SNAP91: variants seen among roughly 807,000 people sequenced by gnomAD.
SNAP91 encodes the protein clathrin coat assembly protein AP180.
SNAP91 carries 27 observed loss-of-function variants against 100.3 expected under a neutral mutation model. That is an observed-to-expected ratio of 0.27 (90% confidence interval 0.20 to 0.37). SNAP91 has a LOEUF of 0.37. Among genes scored for constraint, SNAP91 ranks in the 10% least tolerant of loss-of-function variants. SNAP91 has a pLI of 1.00. For synonymous variants in SNAP91, 404 were observed against 398.6 expected, an observed-to-expected ratio of 1.01 and a Z score of -0.16; for missense variants, 986 against 1,123.7, an observed-to-expected ratio of 0.88 and a Z score of 1.75.
chr6:83,657,468 C>T (rs904997138), intron 6 of SNAP91, among the ~76,000 whole-genome samples: 26 of 152,058 alleles, frequency 1.7e-4, no homozygotes, highest in African/African-American at 5.8e-4. Context: ...GAAAAATAAA[C>T]GAATTAAAAA....
intron 2 of SNAP91, among the ~76,000 whole-genome samples, chr6:83,687,257 A>G (rs1401765370): frequency 1.3e-5 from 2 of 152,156 alleles, no homozygotes; most frequent in Non-Finnish European, 2.9e-5. Flanking sequence ...AGTTATTCTT[A>G]CCTAATACGG....
intron 24 of SNAP91, among the ~76,000 whole-genome samples, chr6:83,579,927 T>C (rs1180661239): frequency 3.3e-5 from 5 of 152,218 alleles, no homozygotes; most frequent in African/African-American, 1.2e-4. Context: ...ATAGAATTTA[T>C]TTATTTTAAA....
At chr6:83,612,389 T>C (rs778969365) in intron 11 of SNAP91, among the ~76,000 whole-genome samples, 1 of 152,050 alleles carries the variant, frequency 6.6e-6, no homozygotes, top group Non-Finnish European at 1.5e-5. Context: ...CCTTTACGTA[T>C]GGAAAAGGAA....
intron 16 of SNAP91, 71 bp from the exon 17 acceptor site, chr6:83,594,552 A>C (rs1047753610): frequency 2.9e-5 from 28 of 978,974 alleles, no homozygotes; most frequent in African/African-American, 5.0e-5. Flanking sequence ...AAAAGAACCA[A>C]GTTAAATTGT....
chr6:83,585,349 T>C (rs6910961), intron 22 of SNAP91, among the ~76,000 whole-genome samples: 1 of 151,860 alleles, frequency 6.6e-6, no homozygotes, highest in Non-Finnish European at 1.5e-5. Context: ...TTTTTATATA[T>C]CTATCTATAT....
intron 26 of SNAP91, among the ~76,000 whole-genome samples, chr6:83,565,067 G>A (rs1794691392): frequency 6.6e-6 from 1 of 150,472 alleles, no homozygotes; most frequent in Admixed American, 6.7e-5. Context: ...ATAATAAAAA[G>A]ACAACCCAAT....
At chr6:83,647,162 C>T (rs1273217565) in intron 7 of SNAP91, among the ~76,000 whole-genome samples, 1 of 151,774 alleles carries the variant, frequency 6.6e-6, no homozygotes, top group African/African-American at 2.4e-5. Context: ...TTGCTCCATC[C>T]CAAATCTGTA....
At chr6:83,627,763 G>A (rs1456006181) in intron 8 of SNAP91, among the ~76,000 whole-genome samples, 1 of 151,834 alleles carries the variant, frequency 6.6e-6, no homozygotes, top group Non-Finnish European at 1.5e-5. Context: ...CTAGCTAGTG[G>A]TCGATCAATC....
chr6:83,629,351 T>C (rs540877225), intron 8 of SNAP91, among the ~76,000 whole-genome samples: 1 of 152,290 alleles, frequency 6.6e-6, no homozygotes, highest in East Asian at 1.9e-4. Flanking sequence ...GTGGGCTCTT[T>C]TTTGGTTCCA....
chr6:83,695,205 A>G (rs2129013784), intron 2 of SNAP91, among the ~76,000 whole-genome samples: 1 of 140,248 alleles, frequency 7.1e-6, no homozygotes, highest in Non-Finnish European at 1.5e-5. Context: ...AGAACCCAGG[A>G]GGCAGAGGTT....
chr6:83,682,172 CTTTTTTT>C (rs59549595), intron 2 of SNAP91, among the ~76,000 whole-genome samples: 5 of 123,488 alleles, frequency 4.0e-5, no homozygotes, highest in Non-Finnish European at 6.6e-5. Flanking sequence ...TTCTTTAATT[CTTTTTTT>C]TTTTTTTTTT....
At chr6:83,618,007 T>C (rs2096569395) in intron 9 of SNAP91, among the ~76,000 whole-genome samples, 1 of 151,898 alleles carries the variant, frequency 6.6e-6, no homozygotes, top group Admixed American at 6.6e-5. Context: ...GAAGTAACTA[T>C]GGTAACTGAT....
intron 26 of SNAP91, among the ~76,000 whole-genome samples, chr6:83,566,561 C>A (rs1202955282): frequency 6.6e-6 from 1 of 152,048 alleles, no homozygotes; most frequent in Admixed American, 6.6e-5. Context: ...AATTCCTGAT[C>A]AAATAAATGG....
At chr6:83,570,559 G>GA (rs1805300816) in intron 26 of SNAP91, among the ~76,000 whole-genome samples, 1 of 139,612 alleles carries the variant, frequency 7.2e-6, no homozygotes, top group Admixed American at 7.2e-5. Context: ...GGGGTGGCGG[G>GA]GGGGGAAGTG....
At chr6:83,606,015 G>A (rs1265952626) in intron 13 of SNAP91, among the ~76,000 whole-genome samples, 1 of 152,126 alleles carries the variant, frequency 6.6e-6, no homozygotes, top group Non-Finnish European at 1.5e-5. Context: ...TAGACTTTGA[G>A]GGCCAGTTGG....
intron 9 of SNAP91, among the ~76,000 whole-genome samples, chr6:83,620,867 G>A (rs1358007815): frequency 1.3e-5 from 2 of 151,644 alleles, no homozygotes; most frequent in Admixed American, 1.3e-4. Flanking sequence ...ACCCACCACC[G>A]CGCCCGGCTA....
intron 26 of SNAP91, among the ~76,000 whole-genome samples, chr6:83,565,169 A>T (rs1275551353): frequency 6.6e-6 from 1 of 152,014 alleles, no homozygotes. Context: ...GCTGAAGGCA[A>T]CTGAAAAGAA....
chr6:83,630,467 C>G (rs1382413805), intron 8 of SNAP91, among the ~76,000 whole-genome samples: 1 of 152,106 alleles, frequency 6.6e-6, no homozygotes, highest in African/African-American at 2.4e-5. Flanking sequence ...TGCTGTGAAT[C>G]TGTCTAGTCC....
rs140075710 is a variant in SNAP91, at chr6:83,562,797, C to T, written c.2443-1850G>A. On this transcript the variant is annotated intron_variant, in intron 26 of 29. Coordinates refer to ENST00000369694, the MANE Select transcript of SNAP91 (RefSeq NM_001242792.2). ...ACCTGCTTAGGTGATATCCTGGACC[C>T]CAATAAAGGCCTTGGCCCACAGATC... 2.4e-3 allele frequency among the ~76,000 whole-genome samples: 363 copies of T among 152,260 alleles called. 1 individual carries two copies. Among genetic ancestry groups the T allele is most frequent in the African/African-American group, 7.8e-3 (326 of 41,550 alleles).
Sources: gnomAD v4.1 joint callset for allele counts (sites outside exome capture counted in the v4.1 genomes callset) on GRCh38, gnomAD v4.1.1 for gene constraint, MANE v1.5 for transcripts, NCBI Gene and HGNC (gene_info 2026-07-23, HGNC 2026-07-21) for gene names.